Variants in SNX14 observed in about 807,000 individuals in gnomAD.
SNX14 encodes the protein sorting nexin 14, also known as sorting nexin-14.
In SNX14, 93 loss-of-function variants were observed where a neutral mutation model predicts 133.8. That is an observed-to-expected ratio of 0.70 (90% CI 0.59 to 0.83). SNX14 has a LOEUF of 0.83. Ranked by LOEUF, SNX14 falls within the 40% of genes least tolerant of loss-of-function variation. The pLI, the probability that SNX14 is intolerant of heterozygous loss-of-function variation, is 0.00. For missense variants in SNX14, 945 were observed against 1,094.9 expected (o/e 0.86, Z 1.93); for synonymous variants, 368 against 365.6 (o/e 1.01, Z -0.07).
intron 1 of SNX14, among the ~76,000 whole-genome samples, chr6:85,583,631 T>G (rs905346147): frequency 7.9e-5 from 12 of 152,072 alleles, no homozygotes; most frequent in African/African-American, 2.9e-4. Context: ...AAATCATGAG[T>G]GAACTCCCAT....
chr6:85,585,200 A>G (rs2128232916), intron 1 of SNX14, among the ~76,000 whole-genome samples: 1 of 152,192 alleles, frequency 6.6e-6, no homozygotes, highest in Middle Eastern at 3.4e-3. Context: ...ACACATAGAC[A>G]CAGGGGAGGG....
chr6:85,514,138 T>G lies in SNX14; in HGVS notation c.2489A>C (p.Tyr830Ser), dbSNP rs757174145. 5.6e-6 allele frequency: 9 copies of G among 1,613,814 alleles called. No individual in the cohort carries two copies. Among genetic ancestry groups the G allele is most frequent in the Non-Finnish European group, 7.6e-6 (9 of 1,179,874 alleles). Residue 830 changes from tyrosine to serine, a missense_variant, in exon 25 of 29, where the codon TAT becomes TCT. Transcript: ENST00000314673. ...TAGCTGTTCTAGTTTACACTGAAGA[T>G]AGTAATCAGTATACATTTCCAGGGT... ...KNTLEMYTDYYLQCKLEQLFQ... is the reference protein window; with the variant it reads ...KNTLEMYTDYSLQCKLEQLFQ...
intron 7 of SNX14, among the ~76,000 whole-genome samples, chr6:85,551,323 T>A (rs2128111433): frequency 6.6e-6 from 1 of 152,320 alleles, no homozygotes. Flanking sequence ...AACCAGTTCC[T>A]GCTGTTGGGA....
intron 1 of SNX14, among the ~76,000 whole-genome samples, chr6:85,581,012 G>A (rs1426173128): frequency 2.0e-5 from 3 of 152,242 alleles, no homozygotes; most frequent in East Asian, 3.9e-4. Context: ...GCCAGATAGT[G>A]GTTACAGTGG....
In SNX14 at chr6:85,508,146, T is replaced by C. The variant is rs1771396606; in HGVS notation, c.2654-87A>G. The C allele has an allele frequency of 4.0e-6, 6 of 1,494,610 alleles. No individual in the cohort carries two copies. In the South Asian group the frequency reaches 7.9e-5, roughly 20 times the overall value. The allele number at this position is 1,494,610 out of a possible 1,614,324, so 92.6% of individuals were successfully genotyped here. A position where few individuals can be genotyped will look rare whatever the true frequency, so the allele number is the denominator to read the frequency against. ...ATCATAAAGCAAAATCACCACCCTG[T>C]TTCCCAGATACTAGGCAAAAACTGC... is the stretch of plus-strand genomic sequence containing the variant. On this transcript the variant is annotated intron_variant, in intron 26 of 28. Coordinates refer to ENST00000314673, the MANE Select transcript of SNX14 (RefSeq NM_153816.6).
intron 21 of SNX14, among the ~76,000 whole-genome samples, chr6:85,523,288 A>G (rs1777478721): frequency 6.6e-6 from 1 of 152,238 alleles, no homozygotes; most frequent in South Asian, 2.1e-4. Flanking sequence ...TAGGAAGATT[A>G]ACGTGGCTAT....
chr6:85,591,538 T>C (rs1173401748), intron 1 of SNX14, among the ~76,000 whole-genome samples: 1 of 152,146 alleles, frequency 6.6e-6, no homozygotes, highest in African/African-American at 2.4e-5. Context: ...GGTTAGATGG[T>C]ATACAGATCA....
At chr6:85,590,583 T>A (rs1276730152) in intron 1 of SNX14, among the ~76,000 whole-genome samples, 2 of 152,218 alleles carry the variant, frequency 1.3e-5, no homozygotes, top group Admixed American at 1.3e-4. Context: ...TCTCTTGACA[T>A]TTTTTAAGCC....
chr6:85,573,565 A>G (rs764847184), intron 2 of SNX14, among the ~76,000 whole-genome samples: 11 of 152,212 alleles, frequency 7.2e-5, no homozygotes, highest in Non-Finnish European at 1.5e-4. Context: ...TAGACTCACC[A>G]CATTACCACC....
intron 1 of SNX14, chr6:85,589,225 CTTTTTTT>C (rs34164476): frequency 4.6e-5 from 6 of 131,006 alleles, no homozygotes; most frequent in South Asian, 1.8e-4. Context: ...TCTGGCACCA[CTTTTTTT>C]TTTTTTTTTT....
At chr6:85,582,938 C>T (rs934647573) in intron 1 of SNX14, among the ~76,000 whole-genome samples, 18 of 152,158 alleles carry the variant, frequency 1.2e-4, no homozygotes, top group African/African-American at 4.1e-4. Flanking sequence ...CAGCATCATC[C>T]TGACACCAAA....
chr6:85,583,599 C>T (rs1216782326), intron 1 of SNX14, among the ~76,000 whole-genome samples: 3 of 152,160 alleles, frequency 2.0e-5, no homozygotes, highest in African/African-American at 4.8e-5. Context: ...CATTACTATA[C>T]ACCAATAACA....
At chr6:85,510,593 T>C (rs909109054) in intron 26 of SNX14, among the ~76,000 whole-genome samples, 9 of 152,174 alleles carry the variant, frequency 5.9e-5, no homozygotes, top group Non-Finnish European at 1.3e-4. Context: ...TATAGTGTCT[T>C]TCACAAAGCA....
intron 19 of SNX14, 138 bp from the exon 20 acceptor site, chr6:85,528,500 T>A: frequency 6.0e-6 from 3 of 502,190 alleles, no homozygotes; most frequent in Non-Finnish European, 9.6e-6. Context: ...TCTTTGAAAA[T>A]CTTCACAAAA....
In SNX14 at chr6:85,547,099, A is replaced by T. The variant is rs1785857504; in HGVS notation, c.1108+13T>A. 1 of 1,590,344 alleles carries T rather than the reference A, an allele frequency of 6.3e-7. No individual in the cohort carries two copies. On this transcript the variant is annotated intron_variant, in intron 12 of 28. Transcript: ENST00000314673. ...TAAAAATTACTTTCGTAAAATACAC[A>T]GGTAAGCCTCACCCACAGTCAAACA... is the stretch of plus-strand genomic sequence containing the variant.
chr6:85,585,472 C>T (rs908341978), intron 1 of SNX14, among the ~76,000 whole-genome samples: 1 of 150,998 alleles, frequency 6.6e-6, no homozygotes, highest in Non-Finnish European at 1.5e-5. Flanking sequence ...ACAATAAATC[C>T]AAACACATGA....
chr6:85,589,008 C>A (rs1000220712), intron 1 of SNX14: 1 of 414,496 alleles, frequency 2.4e-6, no homozygotes, highest in African/African-American at 2.1e-5. Context: ...CAGGCACACT[C>A]GACTTTATAG....
At chr6:85,537,110 C>G in intron 16 of SNX14, 186 bp from the exon 17 acceptor site, 1 of 472,194 alleles carries the variant, frequency 2.1e-6, no homozygotes, top group Non-Finnish European at 3.6e-6. Context: ...AAAAATGACA[C>G]AGTATTTAAA....
rs368606746 is a variant in SNX14 at position 85,548,332 on chromosome 6, A to C, written c.836T>G (p.Phe279Cys). 7 of 1,608,260 alleles carry C rather than the reference A, an allele frequency of 4.4e-6. No individual in the cohort carries two copies. Among genetic ancestry groups the C allele is most frequent in the Non-Finnish European group, 5.9e-6 (7 of 1,178,256 alleles). Reference sequence around the variant, plus strand: ...AGCTAGGAAATCCAAAGAAGGAAGGAACACAGAGCCAGACAGAATCTCTCT... The same window carrying C: ...AGCTAGGAAATCCAAAGAAGGAAGGCACACAGAGCCAGACAGAATCTCTCT... ...LIREILSGSV[F>C]LPSLDFLADP... The change falls in exon 9 of 29, where the codon TTC becomes TGC. Residue 279 changes from phenylalanine to cysteine, a missense_variant. This residue lies in a region of SNX14 where 514 missense variants were observed against 538.8 expected (regional missense o/e 0.95). Coordinates refer to ENST00000314673, the MANE Select transcript of SNX14 (RefSeq NM_153816.6).
Sources: gnomAD v4.1 joint callset for allele counts (sites outside exome capture counted in the v4.1 genomes callset) on GRCh38, gnomAD v4.1.1 for gene constraint, gnomAD v4.1.1 regional missense constraint, MANE v1.5 for transcripts, NCBI Gene and HGNC (gene_info 2026-07-23, HGNC 2026-07-21) for gene names.